CYTH3: variants seen among roughly 807,000 people sequenced by gnomAD.
The protein encoded by CYTH3 is cytohesin 3.
CYTH3 carries 23 observed loss-of-function variants against 55.1 expected under a neutral mutation model. That is an observed-to-expected ratio of 0.42 (90% CI 0.30 to 0.59). The LOEUF is 0.59. Ranked by LOEUF, CYTH3 falls within the 20% of genes least tolerant of loss-of-function variation. The probability of loss-of-function intolerance (pLI) is 0.20; values close to 1 mark genes in which losing one functional copy is unlikely to be tolerated. For missense variants in CYTH3, 413 were observed against 524.8 expected (o/e 0.79, Z 2.08); for synonymous variants, 249 against 194.9 (o/e 1.28, Z -2.31).
chr7:6,214,837 C>T lies in CYTH3; in HGVS notation c.35-24306G>A, dbSNP rs78380922. ...AAAAACTGATGCCAAAGCGAATATTCGCTCTGTGAAAGGCTGTGGCTCCTC... is the reference window on the plus strand; with the variant it reads ...AAAAACTGATGCCAAAGCGAATATTTGCTCTGTGAAAGGCTGTGGCTCCTC... On this transcript the variant is annotated intron_variant, in intron 1 of 12. Transcript: ENST00000350796. 6.6e-3 allele frequency among the ~76,000 whole-genome samples: 998 copies of T among 152,144 alleles called. 10 individuals carry two copies. The highest frequency in any genetic ancestry group is 8.4e-3 in the Non-Finnish European group (570 of 68,020).
intron 1 of CYTH3, among the ~76,000 whole-genome samples, chr7:6,215,660 AACT>A (rs1409291366): frequency 6.6e-6 from 1 of 152,132 alleles, no homozygotes; most frequent in Non-Finnish European, 1.5e-5. Context: ...AATAGGTGAA[AACT>A]TCTTCTCAAA....
At chr7:6,236,200 AC>A (rs552943273) in intron 1 of CYTH3, among the ~76,000 whole-genome samples, 6 of 148,672 alleles carry the variant, frequency 4.0e-5, no homozygotes, top group East Asian at 2.0e-4. Context: ...ACAGAAAATA[AC>A]CCCCCCCTTA....
At chr7:6,222,952 T>G (rs550210957) in intron 1 of CYTH3, among the ~76,000 whole-genome samples, 1 of 152,318 alleles carries the variant, frequency 6.6e-6, no homozygotes, top group Non-Finnish European at 1.5e-5. Context: ...AATCAATCAA[T>G]AATTAATAAA....
At chr7:6,182,890 T>C (rs1321312072) in intron 4 of CYTH3, among the ~76,000 whole-genome samples, 1 of 152,216 alleles carries the variant, frequency 6.6e-6, no homozygotes, top group Non-Finnish European at 1.5e-5. Context: ...TGGTGCTGGT[T>C]TCCTCAAACG....
intron 1 of CYTH3, among the ~76,000 whole-genome samples, chr7:6,231,236 T>C (rs1346757182): frequency 2.0e-5 from 3 of 152,198 alleles, no homozygotes; most frequent in Admixed American, 2.0e-4. Context: ...AACACTCAAA[T>C]GTATTATTTC....
At chr7:6,181,380 T>C (rs1783498650) in intron 4 of CYTH3, among the ~76,000 whole-genome samples, 1 of 152,194 alleles carries the variant, frequency 6.6e-6, no homozygotes, top group Non-Finnish European at 1.5e-5. Context: ...CACCTTCTCT[T>C]GTGAGTGACA....
At chr7:6,201,124 A>G (rs1264291122) in intron 1 of CYTH3, among the ~76,000 whole-genome samples, 1 of 152,218 alleles carries the variant, frequency 6.6e-6, no homozygotes, top group Non-Finnish European at 1.5e-5. Context: ...GCAGAACAAA[A>G]GGGCAGGCTC....
At chr7:6,179,705 A>ACACACACCC (rs1325894957) in intron 4 of CYTH3, among the ~76,000 whole-genome samples, 11 of 73,062 alleles carry the variant, frequency 1.5e-4, no homozygotes, top group African/African-American at 6.5e-4. Context: ...CACACACCCC[A>ACACACACCC]CACACACCCC....
chr7:6,181,227 T>C (rs1783495706), intron 4 of CYTH3, among the ~76,000 whole-genome samples: 1 of 152,246 alleles, frequency 6.6e-6, no homozygotes, highest in Non-Finnish European at 1.5e-5. Flanking sequence ...TTTCTCACTT[T>C]GACATTCAAA....
At chr7:6,238,885 T>C (rs934751365) in intron 1 of CYTH3, among the ~76,000 whole-genome samples, 1 of 150,172 alleles carries the variant, frequency 6.7e-6, no homozygotes, top group African/African-American at 2.5e-5. Flanking sequence ...GGGGAAAAGA[T>C]TGGAAATCAG....
intron 1 of CYTH3, among the ~76,000 whole-genome samples, chr7:6,243,207 G>A (rs1779718701): frequency 6.6e-6 from 1 of 152,222 alleles, no homozygotes; most frequent in South Asian, 2.1e-4. Context: ...CTCACCTCCA[G>A]GCATAAGAGC....
intron 1 of CYTH3, among the ~76,000 whole-genome samples, chr7:6,228,597 A>T (rs1406101740): frequency 2.0e-5 from 3 of 152,168 alleles, no homozygotes; most frequent in Non-Finnish European, 4.4e-5. Context: ...CAAGTAGAGG[A>T]AGCAAAAGAA....
chr7:6,228,407 T>C (rs1327525448), intron 1 of CYTH3, among the ~76,000 whole-genome samples: 1 of 151,958 alleles, frequency 6.6e-6, no homozygotes, highest in Non-Finnish European at 1.5e-5. Flanking sequence ...CAGCTCCAAA[T>C]ATGGAGTCTT....
chr7:6,270,628 A>G (rs934739536), intron 1 of CYTH3, among the ~76,000 whole-genome samples: 1 of 152,198 alleles, frequency 6.6e-6, no homozygotes, highest in Non-Finnish European at 1.5e-5. Context: ...TAAACTTCCC[A>G]TAATTTACCT....
intron 1 of CYTH3, among the ~76,000 whole-genome samples, chr7:6,253,110 C>G (rs746622997): frequency 2.6e-5 from 4 of 152,090 alleles, no homozygotes; most frequent in Non-Finnish European, 5.9e-5. Context: ...ATTAAAGAAA[C>G]TGAAGCACTT....
chr7:6,166,402 T>C (rs1783010283), intron 9 of CYTH3, among the ~76,000 whole-genome samples: 1 of 152,248 alleles, frequency 6.6e-6, no homozygotes, highest in African/African-American at 2.4e-5. Context: ...TGCCGGTGTT[T>C]GTTTTTTAAA....
chr7:6,255,533 C>T (rs1029418913), intron 1 of CYTH3, among the ~76,000 whole-genome samples: 11 of 152,072 alleles, frequency 7.2e-5, no homozygotes, highest in Admixed American at 2.0e-4. Context: ...CCAACAGAGT[C>T]GGCCGTGAAG....
chr7:6,212,857 C>T (rs1449615598), intron 1 of CYTH3: 1 of 152,230 alleles, frequency 6.6e-6, no homozygotes, highest in Non-Finnish European at 1.5e-5. Context: ...TTGTGAAGGG[C>T]ACTGGGGCAG....
chr7:6,244,600 G>A (rs185137872), intron 1 of CYTH3, among the ~76,000 whole-genome samples: 1 of 152,130 alleles, frequency 6.6e-6, no homozygotes, highest in African/African-American at 2.4e-5. Flanking sequence ...GAGTAGCTGG[G>A]ACTACCAGTA....
Sources: allele counts gnomAD v4.1 joint callset (sites outside exome capture counted in the v4.1 genomes callset), GRCh38; gene constraint gnomAD v4.1.1; transcripts MANE v1.5; gene names NCBI Gene and HGNC (gene_info 2026-07-23, HGNC 2026-07-21).